The following PARP2 variants were observed in gnomAD, a reference collection of about 807,000 sequenced individuals.
The protein encoded by PARP2 is poly [ADP-ribose] polymerase 2.
In PARP2, 57 loss-of-function variants were observed where a neutral mutation model predicts 77.8. The observed-to-expected ratio is 0.73, with a 90% confidence interval of 0.59 to 0.91. The LOEUF is 0.91. PARP2 is among the 40% of genes least tolerant of loss of function. The probability of loss-of-function intolerance (pLI) is 0.00; values close to 1 mark genes in which losing one functional copy is unlikely to be tolerated. For missense variants in PARP2, 651 were observed against 689.0 expected, an observed-to-expected ratio of 0.94 and a Z score of 0.62; for synonymous variants, 226 against 242.6, an observed-to-expected ratio of 0.93 and a Z score of 0.64.
chr14:20,345,014 G>A lies in PARP2; in HGVS notation c.129G>A (p.Gln43=), dbSNP rs770574488. The part of the protein sequence containing the change: ...SSPAKKTRRC[Q]RQESKKMPVA... The stretch of plus-strand genomic sequence containing the variant: ...CTGCCAAGAAAACTCGTAGATGCCA[G>A]AGACAGGAGTCGAAAAAGATGCCTG... Residue 43 remains glutamine (Q), a synonymous_variant, in exon 2 of 16, where the codon CAG becomes CAA. Coordinates refer to ENST00000429687, the MANE Select transcript of PARP2 (RefSeq NM_001042618.2). The A allele has an allele frequency of 6.2e-6, 10 of 1,613,890 alleles. No individual in the cohort carries two copies. The East Asian group carries it at 2.0e-4, about 32-fold the overall frequency.
rs765184602 is a variant in PARP2, at chr14:20,355,929, G to A, written c.999G>A (p.Leu333=). 4.3e-6 allele frequency: 7 copies of A among 1,614,064 alleles called. No individual in the cohort carries two copies. In the South Asian group the frequency reaches 7.7e-5, roughly 18 times the overall value. ...GAGACATTGAAATTGCTATTAAGCT[G>A]GTGAAAACAGAGCTACAAAGCCCAG... ...ALGDIEIAIK[L]VKTELQSPEH... The change falls in exon 11 of 16, where the codon CTG becomes CTA. Residue 333 remains leucine, a synonymous_variant. Transcript: ENST00000429687.
Position 20,355,741 on chromosome 14 carries a change from T to G in PARP2, c.903-11T>G. ...CAGAAAGCTCATTATGGGTTATATC[T>G]CTGTTCTTAGACTCCGTACTCCTCC... On this transcript the variant is annotated splice_polypyrimidine_tract_variant and intron_variant, in intron 9 of 15. Coordinates refer to ENST00000429687, the MANE Select transcript of PARP2 (RefSeq NM_001042618.2). 6 of 1,610,872 alleles carry G rather than the reference T, an allele frequency of 3.7e-6. No individual in the cohort carries two copies. Among genetic ancestry groups the G allele is most frequent in the Non-Finnish European group, 5.1e-6 (6 of 1,177,072 alleles).
intron 3 of PARP2, among the ~76,000 whole-genome samples, chr14:20,345,739 G>A (rs1437400066): frequency 6.6e-6 from 1 of 151,968 alleles, no homozygotes; most frequent in Non-Finnish European, 1.5e-5. Flanking sequence ...GGTTCCTAGA[G>A]GCTGTACAGG....
At chr14:20,344,844 C>G in intron 1 of PARP2, 88 bp from the exon 2 acceptor site, 1 of 905,368 alleles carries the variant, frequency 1.1e-6, no homozygotes, top group Non-Finnish European at 1.7e-6. Flanking sequence ...TTATCTTAAA[C>G]CATTTCTTTA....
Position 20,357,846 on chromosome 14 carries a change from AGCAGTG to A in PARP2, c.*50_*55del, listed in dbSNP as rs1234939092. The A allele has an allele frequency of 1.9e-6, 3 of 1,549,390 alleles. No homozygotes were observed. The South Asian group carries it at 3.4e-5, about 18-fold the overall frequency. On this transcript the variant is annotated 3_prime_UTR_variant, in exon 16 of 16. Transcript: ENST00000429687. Reference sequence around the variant, plus strand: ...GATCTGATCTTCAAGCAAGAAAATAAGCAGTGTTGTACTTGTGAATTTTGTGATATT... The same window carrying A: ...GATCTGATCTTCAAGCAAGAAAATAATTGTACTTGTGAATTTTGTGATATT...
At position 20,351,047 on chromosome 14, in the gene PARP2, T is replaced by C. The variant is rs1331364404; in HGVS notation, c.422T>C (p.Val141Ala). 2.5e-6 allele frequency: 4 copies of C among 1,613,314 alleles called. No homozygotes were observed. The Admixed American group carries it at 6.7e-5, about 27-fold the overall frequency. Residue 141 changes from valine (V) to alanine (A), a missense_variant and splice_region_variant, in exon 6 of 16, where the codon GTT (valine) becomes GCT (alanine). Val to Ala is a moderately conservative substitution (Grantham distance 64). Coordinates refer to ENST00000429687, the MANE Select transcript of PARP2 (RefSeq NM_001042618.2). ...NFSVWMRWGR[V>A]GKMGQHSLVA... ...CTTATGTGTGGCATTTCCTTTGCAG[T>C]TGGGAAAATGGGACAGCACAGCCTG...
At chr14:20,353,323 G>C (rs975702499) in intron 7 of PARP2, among the ~76,000 whole-genome samples, 1 of 150,728 alleles carries the variant, frequency 6.6e-6, no homozygotes, top group East Asian at 2.0e-4. Flanking sequence ...CTCACTGCAC[G>C]CTCCGCCTCT....
chr14:20,355,614 ATC>A (rs1417130589), intron 9 of PARP2, 136 bp from the exon 10 acceptor site: 1 of 613,978 alleles, frequency 1.6e-6, no homozygotes, highest in Non-Finnish European at 2.9e-6. Context: ...CTCTTTACAG[ATC>A]TCTTTCTCTC....
chr14:20,355,023 T>A lies in PARP2; in HGVS notation c.902+76T>A, dbSNP rs1368308069. On this transcript the variant is annotated intron_variant, in intron 9 of 15. Coordinates refer to ENST00000429687, the MANE Select transcript of PARP2 (RefSeq NM_001042618.2). ...CTGTATCCATCAGCAGCAGCTATAA[T>A]CTTTTAAATCTTTTATTCCTAAGAA... is the stretch of plus-strand genomic sequence containing the variant. 5.6e-6 allele frequency: 7 copies of A among 1,257,512 alleles called. No homozygotes were observed. In the East Asian group the frequency reaches 1.7e-4, roughly 30 times the overall value. 77.9% of individuals were successfully genotyped at this position (1,257,512 alleles called of 1,614,324 possible).
At chr14:20,351,565 C>T (rs1192618002) in intron 6 of PARP2, among the ~76,000 whole-genome samples, 6 of 152,106 alleles carry the variant, frequency 3.9e-5, no homozygotes, top group African/African-American at 1.2e-4. Flanking sequence ...GTCTTTTCAC[C>T]CTGACATTCT....
chr14:20,356,585 C>T lies in PARP2; in HGVS notation c.1230-5C>T. ...CAGAGTACAATAATATTGGCTTTTC[C>T]TTAGGATGCTTCTATGGCATGGTTC... is the stretch of plus-strand genomic sequence containing the variant. On this transcript the variant is annotated splice_polypyrimidine_tract_variant and splice_region_variant and intron_variant, in intron 12 of 15. Coordinates refer to ENST00000429687, the MANE Select transcript of PARP2 (RefSeq NM_001042618.2). 1.2e-6 allele frequency: 2 copies of T among 1,613,554 alleles called. No individual in the cohort carries two copies. Among genetic ancestry groups the T allele is most frequent in the Non-Finnish European group, 1.7e-6 (2 of 1,179,494 alleles).
At chr14:20,356,969 G>A (rs1330662565) in intron 13 of PARP2, 82 bp from the exon 14 acceptor site, 1 of 902,846 alleles carries the variant, frequency 1.1e-6, no homozygotes. Context: ...TAAGGGAATG[G>A]AAAAACAGGG....
intron 4 of PARP2, among the ~76,000 whole-genome samples, chr14:20,347,714 C>T (rs904424510): frequency 1.3e-5 from 2 of 151,452 alleles, no homozygotes; most frequent in African/African-American, 4.9e-5. Context: ...CCCGGCAAGT[C>T]CTTTATATTA....
Position 20,357,619 on chromosome 14 carries a change from C to A in PARP2, c.1554-19C>A. On this transcript the variant is annotated intron_variant, in intron 15 of 15. Transcript: ENST00000429687. ...TGAACCAGAGACTGATGTTGACACA[C>A]TTTTTTTCCATTTGGCAGGAATGGG... 1 of 1,609,310 alleles carries A rather than the reference C, an allele frequency of 6.2e-7. No homozygotes were observed. Among genetic ancestry groups the A allele is most frequent in the Non-Finnish European group, 8.5e-7 (1 of 1,178,296 alleles).
intron 4 of PARP2, among the ~76,000 whole-genome samples, chr14:20,347,356 G>GTGTATATA (rs1168423656): frequency 6.1e-4 from 18 of 29,562 alleles, no homozygotes; most frequent in African/African-American, 1.6e-3. Flanking sequence ...ATGTGTGTGT[G>GTGTATATA]TATATATATA....
Position 20,354,292 on chromosome 14 carries a change from A to G in PARP2, c.763+45A>G, listed in dbSNP as rs1168188889. 17 of 1,432,274 alleles carry G rather than the reference A, an allele frequency of 1.2e-5. No homozygotes were observed. The East Asian group carries it at 3.2e-4, about 27-fold the overall frequency. 88.7% of individuals were successfully genotyped at this position (1,432,274 alleles called of 1,614,324 possible). ...TCTGCATTCTCTCCTTATAATTCCT[A>G]GCTCCTTTAATGGATACTTTATTAT... is the stretch of plus-strand genomic sequence containing the variant. On this transcript the variant is annotated intron_variant, in intron 8 of 15. Coordinates refer to ENST00000429687, the MANE Select transcript of PARP2 (RefSeq NM_001042618.2).
chr14:20,347,048 AAATGG>A, intron 4 of PARP2, 135 bp downstream of exon 4: 1 of 576,362 alleles, frequency 1.7e-6, no homozygotes, highest in East Asian at 2.9e-5. Flanking sequence ...TTTCTTTTTG[AAATGG>A]AGTCTCACTT....
chr14:20,351,183 T>TA (rs373833557), intron 6 of PARP2, 61 bp downstream of exon 6: 22 of 1,386,332 alleles, frequency 1.6e-5, no homozygotes, highest in African/African-American at 8.9e-5. Flanking sequence ...GTATATTCTC[T>TA]AAAAAATTTT....
chr14:20,347,356 G>GTGTGTGTATATATA (rs1168423656), intron 4 of PARP2, among the ~76,000 whole-genome samples: 3 of 29,566 alleles, frequency 1.0e-4, no homozygotes, highest in Non-Finnish European at 1.6e-4. Context: ...ATGTGTGTGT[G>GTGTGTGTATATATA]TATATATATA....
Sources: allele counts gnomAD v4.1 joint callset (sites outside exome capture counted in the v4.1 genomes callset), GRCh38; gene constraint gnomAD v4.1.1; transcripts MANE v1.5; gene names NCBI Gene and HGNC (gene_info 2026-07-23, HGNC 2026-07-21).